Variants in FANK1 observed in about 807,000 individuals in gnomAD.
The protein encoded by FANK1 is fibronectin type III and ankyrin repeat domains 1, also known as fibronectin type 3 and ankyrin repeat domains protein 1.
Under a neutral mutation model 45.3 loss-of-function variants are expected in FANK1, and 44 were observed. That is an observed-to-expected ratio of 0.97 (90% CI 0.76 to 1.25). The LOEUF is 1.25. Among genes scored for constraint, FANK1 ranks in the 50% most tolerant of loss-of-function variants. The pLI is 0.00. For missense variants in FANK1, 391 were observed against 424.4 expected, an observed-to-expected ratio of 0.92 and a Z score of 0.69; for synonymous variants, 149 against 152.5, an observed-to-expected ratio of 0.98 and a Z score of 0.17.
At chr10:125,949,802 C>T (rs1442722244) in intron 1 of FANK1, among the ~76,000 whole-genome samples, 168 of 137,136 alleles carry the variant, frequency 1.2e-3, no homozygotes, top group South Asian at 1.9e-3. Context: ...GAGCCTGCAT[C>T]GCCAAGTCAA....
At chr10:125,995,341 C>A (rs2134218675) in intron 3 of FANK1, 76 bp from the exon 4 acceptor site, 2 of 1,364,716 alleles carry the variant, frequency 1.5e-6, no homozygotes, top group Non-Finnish European at 2.1e-6. Context: ...CCCCTGAAGG[C>A]CACAGGAGGA....
chr10:125,903,497 G>C (rs1373809666), intron 1 of FANK1, among the ~76,000 whole-genome samples: 1 of 152,222 alleles, frequency 6.6e-6, no homozygotes, highest in Non-Finnish European at 1.5e-5. Flanking sequence ...TTGGGAAGGT[G>C]CTCTCATCCC....
Position 125,967,945 on chromosome 10 carries a change from G to A in FANK1, c.14-12216G>A, listed in dbSNP as rs547919561. Among the ~76,000 whole-genome samples the A allele has an allele frequency of 3.1e-3, 470 of 152,208 alleles. 1 individual carries two copies. The highest frequency in any genetic ancestry group is 0.011 in the African/African-American group (463 of 41,512). Reference sequence around the variant, plus strand: ...AGCCAAATTGTTTTTTTAAAGAATTGTGTAATATACAGTGTAATGCTCAAT... The same window carrying A: ...AGCCAAATTGTTTTTTTAAAGAATTATGTAATATACAGTGTAATGCTCAAT... On this transcript the variant is annotated intron_variant, in intron 1 of 10. Transcript: ENST00000368693.
chr10:125,982,744 A>G (rs1376237870), intron 2 of FANK1, among the ~76,000 whole-genome samples: 1 of 152,154 alleles, frequency 6.6e-6, no homozygotes, highest in Non-Finnish European at 1.5e-5. Context: ...ATGGCTTCTC[A>G]TAGCCAGTCA....
chr10:125,945,391 C>T (rs994405974), intron 1 of FANK1, among the ~76,000 whole-genome samples: 9 of 152,162 alleles, frequency 5.9e-5, no homozygotes, highest in Non-Finnish European at 8.8e-5. Flanking sequence ...CCAGTGGGTG[C>T]GCGCACCGTG....
chr10:125,915,544 C>T (rs548828948), intron 1 of FANK1, among the ~76,000 whole-genome samples: 4 of 152,338 alleles, frequency 2.6e-5, no homozygotes, highest in East Asian at 1.9e-4. Flanking sequence ...GGGCTGGGTG[C>T]GGTGGCTCAC....
Position 125,996,609 on chromosome 10 carries a change from A to G in FANK1, c.458A>G (p.Gln153Arg), listed in dbSNP as rs1415425760. Residue 153 changes from glutamine to arginine, a missense_variant, in exon 5 of 11, where the codon CAG becomes CGG. Transcript: ENST00000368693. ...FGFTALMVAA[Q>R]KGYTRLVKIL... is the part of the protein sequence containing the mutation. Reference sequence around the variant, plus strand: ...TTTACCGCTCTGATGGTTGCTGCCCAGAAAGGATACACCAGGTATGGCTCT... The same window carrying G: ...TTTACCGCTCTGATGGTTGCTGCCCGGAAAGGATACACCAGGTATGGCTCT... 6.2e-7 allele frequency: 1 copy of G among 1,614,160 alleles called. No homozygotes were observed. Among genetic ancestry groups the G allele is most frequent in the Non-Finnish European group, 8.5e-7 (1 of 1,180,006 alleles).
chr10:125,974,060 C>T (rs1401482112), intron 1 of FANK1, among the ~76,000 whole-genome samples: 1 of 152,198 alleles, frequency 6.6e-6, no homozygotes. Context: ...TATTTAGATA[C>T]TTTGTAACTT....
At chr10:125,966,737 T>C (rs1230537320) in intron 1 of FANK1, among the ~76,000 whole-genome samples, 2 of 152,248 alleles carry the variant, frequency 1.3e-5, no homozygotes, top group Non-Finnish European at 2.9e-5. Context: ...GACTTGTTGC[T>C]ATCATATATG....
chr10:125,936,025 C>T (rs1358152190), intron 1 of FANK1, among the ~76,000 whole-genome samples: 1 of 152,136 alleles, frequency 6.6e-6, no homozygotes, highest in East Asian at 1.9e-4. Flanking sequence ...AGATTTTCAA[C>T]TACAGGAAAA....
rs937879766 is a variant in FANK1 at position 125,948,801 on chromosome 10, C to G, written c.14-31360C>G. ...GCATCATTCTGATACCAAAGCCAGG[C>G]AGAGACACAACCAAAAAAGAGAATT... is the stretch of plus-strand genomic sequence containing the variant. On this transcript the variant is annotated intron_variant, in intron 1 of 10. Transcript: ENST00000368693. 8.7e-5 allele frequency among the ~76,000 whole-genome samples: 13 copies of G among 150,170 alleles called. No individual in the cohort carries two copies. In the East Asian group the frequency reaches 9.8e-4, roughly 11 times the overall value.
intron 1 of FANK1, among the ~76,000 whole-genome samples, chr10:125,957,121 C>T (rs1949629325): frequency 6.6e-6 from 1 of 152,150 alleles, no homozygotes; most frequent in Non-Finnish European, 1.5e-5. Context: ...TCCCAAAGTG[C>T]TGGGATTACA....
chr10:125,939,508 T>C (rs1948311006), intron 1 of FANK1, among the ~76,000 whole-genome samples: 1 of 152,222 alleles, frequency 6.6e-6, no homozygotes, highest in Admixed American at 6.5e-5. Flanking sequence ...TGGCAACATT[T>C]TAAGAATTCA....
chr10:125,912,074 C>T lies in FANK1; in HGVS notation c.13+15419C>T, dbSNP rs185257725. Among the ~76,000 whole-genome samples, 160 of 152,302 alleles carry T rather than the reference C, an allele frequency of 1.1e-3. 1 individual carries two copies. The highest frequency in any genetic ancestry group is 3.7e-3 in the African/African-American group (153 of 41,574). ...CTAGTGAAGACTGAAGAAGTGGTTG[C>T]CTAGCAATGCCCTGATCGTCTTTGA... is the stretch of plus-strand genomic sequence containing the variant. On this transcript the variant is annotated intron_variant, in intron 1 of 10. Transcript: ENST00000368693.
chr10:125,924,375 T>G (rs1173686114), intron 1 of FANK1, among the ~76,000 whole-genome samples: 1 of 151,404 alleles, frequency 6.6e-6, no homozygotes, highest in Non-Finnish European at 1.5e-5. Flanking sequence ...TGCCTCAGCC[T>G]CCCGAGTAGC....
intron 1 of FANK1, among the ~76,000 whole-genome samples, chr10:125,921,558 A>G (rs1029644639): frequency 5.3e-5 from 8 of 152,170 alleles, no homozygotes; most frequent in Non-Finnish European, 7.3e-5. Flanking sequence ...GCTGAGTCAC[A>G]TGGTCCGTGT....
intron 1 of FANK1, among the ~76,000 whole-genome samples, chr10:125,978,333 A>G (rs1447433539): frequency 6.6e-6 from 1 of 151,900 alleles, no homozygotes; most frequent in Non-Finnish European, 1.5e-5. Flanking sequence ...AAGTGGCCAC[A>G]TTTTGGGAGA....
chr10:125,903,805 CCT>C (rs1200669334), intron 1 of FANK1, among the ~76,000 whole-genome samples: 4 of 151,486 alleles, frequency 2.6e-5, no homozygotes, highest in Non-Finnish European at 4.4e-5. Context: ...CTCTAGGCAG[CCT>C]CTCTCTCTCT....
chr10:125,958,116 C>G lies in FANK1; in HGVS notation c.14-22045C>G, dbSNP rs540777959. Among the ~76,000 whole-genome samples, 3 of 152,212 alleles carry G rather than the reference C, an allele frequency of 2.0e-5. No individual in the cohort carries two copies. In the East Asian group the frequency reaches 5.8e-4, roughly 29 times the overall value. Reference sequence around the variant, plus strand: ...TGTATTACTGTTAACTATAGTCATTCTACAGTACTGTAGAACTCTAGAACT... The same window carrying G: ...TGTATTACTGTTAACTATAGTCATTGTACAGTACTGTAGAACTCTAGAACT... On this transcript the variant is annotated intron_variant, in intron 1 of 10. Coordinates refer to ENST00000368693, the MANE Select transcript of FANK1 (RefSeq NM_145235.5).
Sources: gnomAD v4.1 joint callset for allele counts (sites outside exome capture counted in the v4.1 genomes callset) on GRCh38, gnomAD v4.1.1 for gene constraint, MANE v1.5 for transcripts, NCBI Gene and HGNC (gene_info 2026-07-23, HGNC 2026-07-21) for gene names.